Variants in TLE3 observed in about 807,000 individuals in gnomAD.
The protein encoded by TLE3 is TLE family member 3, transcriptional corepressor.
Under a neutral mutation model 93.0 loss-of-function variants are expected in TLE3, and 14 were observed. The observed-to-expected ratio is 0.15, with a 90% CI of 0.10 to 0.24. TLE3 has a LOEUF of 0.24. Among genes scored for constraint, TLE3 ranks in the 10% least tolerant of loss-of-function variants. TLE3 has a pLI of 1.00. For missense variants in TLE3, 693 were observed against 1,046.6 expected (o/e 0.66, Z 4.66); for synonymous variants, 451 against 425.0 (o/e 1.06, Z -0.75).
chr15:70,087,758 A>G (rs2058098225), intron 4 of TLE3, among the ~76,000 whole-genome samples: 1 of 152,228 alleles, frequency 6.6e-6, no homozygotes, highest in Non-Finnish European at 1.5e-5. Context: ...CACAGGACAC[A>G]TTGGCAATGG....
chr15:70,081,634 T>C (rs2057783585), intron 4 of TLE3, among the ~76,000 whole-genome samples: 1 of 152,226 alleles, frequency 6.6e-6, no homozygotes, highest in Non-Finnish European at 1.5e-5. Context: ...CGGGAAGTAA[T>C]TCCACGTCTG....
At chr15:70,091,456 C>T (rs1245528324) in intron 4 of TLE3, among the ~76,000 whole-genome samples, 1 of 152,240 alleles carries the variant, frequency 6.6e-6, no homozygotes, top group East Asian at 1.9e-4. Context: ...ATGAGCCGGT[C>T]AGTCATCACT....
At chr15:70,068,608 G>T (rs34687476) in intron 6 of TLE3, among the ~76,000 whole-genome samples, 52,471 of 152,060 alleles carry the variant, frequency 0.35, 10,095 homozygotes, top group Middle Eastern at 0.59. Flanking sequence ...AAGAGGAGGG[G>T]AAAGAAGGCT....
intron 5 of TLE3, 40 bp from the exon 6 acceptor site, chr15:70,074,647 C>G (rs553927006): frequency 1.3e-6 from 2 of 1,561,778 alleles, no homozygotes; most frequent in Non-Finnish European, 1.7e-6. Context: ...AGCCACTTTC[C>G]TGGACAGAGG....
At chr15:70,091,577 T>C (rs1024312177) in intron 4 of TLE3, among the ~76,000 whole-genome samples, 2 of 152,170 alleles carry the variant, frequency 1.3e-5, no homozygotes, top group African/African-American at 4.8e-5. Context: ...TCTGTAATCT[T>C]TGCTTTACCA....
intron 4 of TLE3, among the ~76,000 whole-genome samples, chr15:70,084,858 T>C (rs945578482): frequency 1.3e-5 from 2 of 152,194 alleles, no homozygotes; most frequent in African/African-American, 4.8e-5. Flanking sequence ...GGGGACTCTG[T>C]CCCCTTGTGA....
rs2058614550 is a variant in TLE3 at position 70,097,427 on chromosome 15, CCTGCTGTTCCGTCTGCTA to C, written c.-647_-630del. The C allele has an allele frequency of 2.4e-6, 1 of 412,850 alleles. No individual in the cohort carries two copies. The highest frequency in any genetic ancestry group is 2.1e-5 in the African/African-American group (1 of 48,696). The allele number at this position is 412,850 out of a possible 1,614,324, so 25.6% of individuals were successfully genotyped here. On this transcript the variant is annotated 5_prime_UTR_variant, in exon 1 of 20. Coordinates refer to ENST00000451782, the MANE Select transcript of TLE3 (RefSeq NM_001105192.3). ...CGACGCCCCCCCTCGGAGAGGAGAGCCTGCTGTTCCGTCTGCTACTGCCGCTGCCGCCGCCGCCGCCGC... is the reference window on the plus strand; with the variant it reads ...CGACGCCCCCCCTCGGAGAGGAGAGCCTGCCGCTGCCGCCGCCGCCGCCGC...
intron 18 of TLE3, among the ~76,000 whole-genome samples, chr15:70,051,908 G>C (rs1319991270): frequency 1.3e-5 from 2 of 152,196 alleles, no homozygotes; most frequent in African/African-American, 4.8e-5. Context: ...AAGTGTTAAA[G>C]CCCTTATGCT....
Position 70,097,140 on chromosome 15 carries a change from T to A in TLE3, c.-342A>T. ...CTGGGACTGCGCGGACATCGTCGGC[T>A]CCCCAGCAGGTCCGGCGCGGGGTCC... is the stretch of plus-strand genomic sequence containing the variant. On this transcript the variant is annotated 5_prime_UTR_variant, in exon 1 of 20. Transcript: ENST00000451782. 1 of 422,556 alleles carries A rather than the reference T, an allele frequency of 2.4e-6. No homozygotes were observed. The highest frequency in any genetic ancestry group is 4.1e-6 in the Non-Finnish European group (1 of 243,694). 26.2% of individuals were successfully genotyped at this position (422,556 alleles called of 1,614,324 possible).
chr15:70,060,479 C>G, intron 9 of TLE3, 51 bp downstream of exon 9: 1 of 1,608,424 alleles, frequency 6.2e-7, no homozygotes, highest in Non-Finnish European at 8.5e-7. Flanking sequence ...GCAGACACCC[C>G]CTGCCCTACC....
intron 4 of TLE3, among the ~76,000 whole-genome samples, chr15:70,088,002 C>T (rs1296705959): frequency 6.6e-6 from 1 of 152,108 alleles, no homozygotes; most frequent in Non-Finnish European, 1.5e-5. Context: ...CCTCTTGGGC[C>T]ATCAACTCTG....
chr15:70,096,743 A>T (rs766925416), intron 1 of TLE3, 32 bp downstream of exon 1: 1 of 1,612,314 alleles, frequency 6.2e-7, no homozygotes, highest in South Asian at 1.1e-5. Flanking sequence ...GCCATGATAG[A>T]TGCTTAAATA....
At position 70,056,453 on chromosome 15, in the gene TLE3, G is replaced by C. The variant is rs1052273570; in HGVS notation, c.1252-79C>G. ...CCCCTGCCTCCTCCACCACCCACCCGGGGTCCTACCTGCACGGCTCTGCCA... is the reference window on the plus strand; with the variant it reads ...CCCCTGCCTCCTCCACCACCCACCCCGGGTCCTACCTGCACGGCTCTGCCA... On this transcript the variant is annotated intron_variant, in intron 13 of 19. Transcript: ENST00000451782. 8.7e-6 allele frequency: 12 copies of C among 1,383,712 alleles called. No individual in the cohort carries two copies. The African/African-American group carries it at 1.7e-4, about 20-fold the overall frequency. The allele number at this position is 1,383,712 out of a possible 1,614,324, so 85.7% of individuals were successfully genotyped here.
In TLE3 at chr15:70,058,879, C is replaced by T. The variant is rs2056274989; in HGVS notation, c.766-64G>A. ...CAGCCAGCCTCGAGGCTTCCCTGCT[C>T]TGGGAGTGGGAAGAGAGAGGGCATG... On this transcript the variant is annotated intron_variant, in intron 10 of 19. Transcript: ENST00000451782. The surrounding 1 kb of genome is among the most constrained non-coding windows in gnomAD (Gnocchi z 4.1). The T allele has an allele frequency of 6.8e-7, 1 of 1,476,502 alleles. No individual in the cohort carries two copies. The highest frequency in any genetic ancestry group is 9.0e-7 in the Non-Finnish European group (1 of 1,116,614). 91.5% of individuals were successfully genotyped at this position (1,476,502 alleles called of 1,614,324 possible).
chr15:70,062,339 G>C (rs1288997400), intron 8 of TLE3, among the ~76,000 whole-genome samples: 1 of 152,206 alleles, frequency 6.6e-6, no homozygotes, highest in Non-Finnish European at 1.5e-5. Flanking sequence ...AAGCAGAAAT[G>C]CTTCCAGCCC....
chr15:70,088,661 T>C (rs1238282486), intron 4 of TLE3, among the ~76,000 whole-genome samples: 1 of 152,172 alleles, frequency 6.6e-6, no homozygotes, highest in African/African-American at 2.4e-5. Flanking sequence ...CAATGGCATG[T>C]TGAAAGCTAT....
intron 8 of TLE3, among the ~76,000 whole-genome samples, chr15:70,063,646 G>C (rs540486322): frequency 6.6e-6 from 1 of 152,340 alleles, no homozygotes; most frequent in South Asian, 2.1e-4. Context: ...CCAGATACAA[G>C]GACAGCGATG....
intron 9 of TLE3, 50 bp downstream of exon 9, chr15:70,060,480 C>G (rs762634100): frequency 3.7e-6 from 6 of 1,608,988 alleles, no homozygotes; most frequent in Non-Finnish European, 5.1e-6. Context: ...CAGACACCCC[C>G]TGCCCTACCC....
chr15:70,083,965 G>A (rs2057918957), intron 4 of TLE3, among the ~76,000 whole-genome samples: 1 of 152,170 alleles, frequency 6.6e-6, no homozygotes, highest in Non-Finnish European at 1.5e-5. Flanking sequence ...GGGTTAGAGG[G>A]TCTTCTTTCT....
Sources: gnomAD v4.1 joint callset for allele counts (sites outside exome capture counted in the v4.1 genomes callset) on GRCh38, gnomAD v4.1.1 for gene constraint, Gnocchi (gnomAD v3.1) non-coding constraint, MANE v1.5 for transcripts, NCBI Gene and HGNC (gene_info 2026-07-23, HGNC 2026-07-21) for gene names.